NF2: variants seen among roughly 807,000 people sequenced by gnomAD.
The protein encoded by NF2 is merlin.
NF2 carries 8 observed loss-of-function variants against 83.7 expected under a neutral mutation model. The observed-to-expected ratio is 0.10, with a 90% CI of 0.06 to 0.17. The LOEUF is 0.17. Among genes scored for constraint, NF2 ranks in the 10% least tolerant of loss-of-function variants. The pLI is 1.00. For missense variants in NF2, 533 were observed against 744.4 expected, an observed-to-expected ratio of 0.72 and a Z score of 3.31; for synonymous variants, 266 against 269.6, an observed-to-expected ratio of 0.99 and a Z score of 0.13.
intron 15 of NF2, among the ~76,000 whole-genome samples, chr22:29,692,640 C>T (rs775328420): frequency 7.2e-5 from 11 of 152,218 alleles, no homozygotes; most frequent in Non-Finnish European, 1.2e-4. Context: ...CATCACTTGG[C>T]CCGCCTGGTA....
intron 1 of NF2, among the ~76,000 whole-genome samples, chr22:29,630,553 T>C (rs964405236): frequency 2.0e-5 from 3 of 152,196 alleles, no homozygotes; most frequent in African/African-American, 7.2e-5. Context: ...CTCCTATTAG[T>C]CTCTATGCCT....
rs1368647887 is a variant in NF2 at position 29,639,090 on chromosome 22, G to A, written c.241G>A (p.Val81Ile). The A allele has an allele frequency of 1.2e-6, 2 of 1,614,192 alleles. No homozygotes were observed. The highest frequency in any genetic ancestry group is 2.2e-5 in the South Asian group (2 of 91,086). Residue 81 changes from valine (V) to isoleucine (I), a missense_variant and splice_region_variant, in exon 3 of 16, where the codon GTA becomes ATA. By Grantham distance (29) the Val-to-Ile change is conservative. Transcript: ENST00000338641. ...TVAWLKMDKK[V>I]LDHDVSKEEP... ...TGTCTTTTGCTCTGCAATTCTGCAG[G>A]TACTGGATCATGATGTTTCAAAGGA...
chr22:29,668,275 G>C (rs2066682634), intron 9 of NF2, 58 bp from the exon 10 acceptor site: 1 of 1,276,656 alleles, frequency 7.8e-7, no homozygotes, highest in Non-Finnish European at 1.1e-6. Flanking sequence ...TAGTGGGCCA[G>C]TAGGCAGTGA....
chr22:29,643,394 A>G (rs1364099094), intron 4 of NF2, among the ~76,000 whole-genome samples: 1 of 151,992 alleles, frequency 6.6e-6, no homozygotes, highest in African/African-American at 2.4e-5. Flanking sequence ...CAGATAAACA[A>G]GTGAACAAAG....
chr22:29,696,572 A>G lies in NF2; in HGVS notation c.*1770A>G, dbSNP rs2067557905. The stretch of plus-strand genomic sequence containing the variant: ...ACAGAGATCCTGCCTTCTTCCTACT[A>G]TCAGGCTGACCTAATGGGGTTGGGC... On this transcript the variant is annotated 3_prime_UTR_variant, in exon 16 of 16. Coordinates refer to ENST00000338641, the MANE Select transcript of NF2 (RefSeq NM_000268.4). 4.6e-6 allele frequency: 1 copy of G among 215,806 alleles called. No individual in the cohort carries two copies. Among genetic ancestry groups the G allele is most frequent in the Admixed American group, 5.8e-5 (1 of 17,186 alleles). The allele number at this position is 215,806 out of a possible 1,614,324, so 13.4% of individuals were successfully genotyped here.
At chr22:29,632,006 CTT>C (rs1252617833) in intron 1 of NF2, among the ~76,000 whole-genome samples, 4 of 152,164 alleles carry the variant, frequency 2.6e-5, no homozygotes, top group East Asian at 1.9e-4. Context: ...TAACTTCTCT[CTT>C]GTTTCTAGAA....
rs867744934 is a variant in NF2 at position 29,696,279 on chromosome 22, T to C, written c.*1477T>C. ...TAATAGGGACGGGGTTTTGCCATGT[T>C]AGCTAGGCTGGTCTCAAACTCACAC... On this transcript the variant is annotated 3_prime_UTR_variant, in exon 16 of 16. Coordinates refer to ENST00000338641, the MANE Select transcript of NF2 (RefSeq NM_000268.4). 4.6e-5 allele frequency: 10 copies of C among 215,420 alleles called. No individual in the cohort carries two copies. The highest frequency in any genetic ancestry group is 9.3e-5 in the Non-Finnish European group (10 of 106,966). The allele number at this position is 215,420 out of a possible 1,614,324, so 13.3% of individuals were successfully genotyped here.
chr22:29,633,220 A>G (rs1569278138), intron 1 of NF2, among the ~76,000 whole-genome samples: 1 of 152,342 alleles, frequency 6.6e-6, no homozygotes, highest in Admixed American at 6.5e-5. Context: ...TTTAAATCAA[A>G]TATGTTTGAA....
chr22:29,661,149 A>C, intron 7 of NF2, 56 bp from the exon 8 acceptor site: 1 of 1,613,206 alleles, frequency 6.2e-7, no homozygotes, highest in African/African-American at 1.3e-5. Context: ...GGAAGGTTGA[A>C]TAAAATTTTG....
At chr22:29,608,172 CAAAAAAAA>C (rs570144418) in intron 1 of NF2, among the ~76,000 whole-genome samples, 43 of 31,714 alleles carry the variant, frequency 1.4e-3, no homozygotes, top group African/African-American at 5.7e-3. Flanking sequence ...GACTCTGTCT[CAAAAAAAA>C]AAAAAAAAAA....
intron 1 of NF2, among the ~76,000 whole-genome samples, chr22:29,631,246 T>G (rs1261159977): frequency 6.6e-6 from 1 of 152,226 alleles, no homozygotes; most frequent in Admixed American, 6.5e-5. Flanking sequence ...GTGGCAGACC[T>G]GCTGTTCCCT....
At chr22:29,689,579 G>A (rs1312866558) in intron 15 of NF2, among the ~76,000 whole-genome samples, 1 of 152,106 alleles carries the variant, frequency 6.6e-6, no homozygotes, top group African/African-American at 2.4e-5. Flanking sequence ...GTTCAGTACT[G>A]TGAGTCTTAT....
chr22:29,653,805 G>A (rs2066222689), intron 4 of NF2, among the ~76,000 whole-genome samples: 1 of 152,174 alleles, frequency 6.6e-6, no homozygotes, highest in Non-Finnish European at 1.5e-5. Flanking sequence ...AAGAATAAAT[G>A]TTTATAGATT....
At chr22:29,621,044 G>T (rs1210024019) in intron 1 of NF2, among the ~76,000 whole-genome samples, 1 of 152,208 alleles carries the variant, frequency 6.6e-6, no homozygotes, top group African/African-American at 2.4e-5. Context: ...AGGCAGAATA[G>T]GACAGGGACA....
At chr22:29,628,213 T>TCTG (rs2065418874) in intron 1 of NF2, among the ~76,000 whole-genome samples, 1 of 150,900 alleles carries the variant, frequency 6.6e-6, no homozygotes, top group African/African-American at 2.4e-5. Flanking sequence ...GAGTTTGTGA[T>TCTG]CTGCAGAACT....
rs890127107 is a variant in NF2, at chr22:29,697,679, G to A, written c.*2877G>A. On this transcript the variant is annotated 3_prime_UTR_variant, in exon 16 of 16. Coordinates refer to ENST00000338641, the MANE Select transcript of NF2 (RefSeq NM_000268.4). ...CCTCCCGGATTCAAGCAATTCTCCTGCCTCAGCCTCCCGAGTAGCTGGGAT... is the reference window on the plus strand; with the variant it reads ...CCTCCCGGATTCAAGCAATTCTCCTACCTCAGCCTCCCGAGTAGCTGGGAT... 3.5e-5 allele frequency: 6 copies of A among 172,468 alleles called. No homozygotes were observed. The highest frequency in any genetic ancestry group is 5.0e-5 in the Non-Finnish European group (4 of 80,024). 10.7% of individuals were successfully genotyped at this position (172,468 alleles called of 1,614,324 possible).
intron 1 of NF2, among the ~76,000 whole-genome samples, chr22:29,631,287 C>G (rs1315630019): frequency 6.6e-6 from 1 of 152,164 alleles, no homozygotes; most frequent in Non-Finnish European, 1.5e-5. Context: ...ATTGTCAGCC[C>G]CTTCACCACA....
rs2065647075 is a variant in NF2, at chr22:29,636,336, A to C, written c.115-415A>C. On this transcript the variant is annotated intron_variant, in intron 1 of 15. Transcript: ENST00000338641. This position sits in a 1 kb window ranked among gnomAD's most constrained non-coding sequence, Gnocchi z 4.4. The stretch of plus-strand genomic sequence containing the variant: ...TTTAAAGGAATACTAGCCTTTTATC[A>C]AAGGGCAAAGTAATGATTTAAAAAA... Among the ~76,000 whole-genome samples the C allele has an allele frequency of 1.3e-5, 2 of 152,212 alleles. No homozygotes were observed.
intron 15 of NF2, chr22:29,683,378 G>A: frequency 1.5e-6 from 2 of 1,342,656 alleles, no homozygotes; most frequent in Non-Finnish European, 1.9e-6. Context: ...CCAGTCAGGT[G>A]TGTCTAAAAG....
Sources: gnomAD v4.1 joint callset for allele counts (sites outside exome capture counted in the v4.1 genomes callset) on GRCh38, gnomAD v4.1.1 for gene constraint, Gnocchi (gnomAD v3.1) non-coding constraint, MANE v1.5 for transcripts, NCBI Gene and HGNC (gene_info 2026-07-23, HGNC 2026-07-21) for gene names.